RNF212B: variants seen among roughly 807,000 people sequenced by gnomAD.
The protein encoded by RNF212B is E3 ubiquitin-protein ligase RNF212B.
A neutral mutation model predicts 55.5 loss-of-function variants in RNF212B; 52 were observed. The ratio of observed to expected loss-of-function variants is 0.94; its 90% CI spans 0.75 to 1.18. RNF212B has a LOEUF of 1.18. RNF212B is among the 50% of genes most tolerant of loss of function. The pLI, the probability that RNF212B is intolerant of heterozygous loss-of-function variation, is 0.00. For missense variants in RNF212B, 289 were observed against 350.4 expected (o/e 0.82, Z 1.40); for synonymous variants, 99 against 121.4 (o/e 0.82, Z 1.21).
chr14:23,212,921 ATAG>A (rs1198713139), intron 2 of RNF212B, among the ~76,000 whole-genome samples: 2 of 152,104 alleles, frequency 1.3e-5, no homozygotes, highest in Non-Finnish European at 2.9e-5. Context: ...TGCCAGCCTA[ATAG>A]TAGATTTCAG....
chr14:23,211,781 G>T (rs1008534719), intron 2 of RNF212B, among the ~76,000 whole-genome samples: 1 of 152,166 alleles, frequency 6.6e-6, no homozygotes, highest in African/African-American at 2.4e-5. Flanking sequence ...GGAGTGCAGT[G>T]GTGCAAACTT....
chr14:23,244,193 TCCCTTTTACACA>T, intron 3 of RNF212B, 117 bp from the exon 4 acceptor site: 7 of 546,444 alleles, frequency 1.3e-5, no homozygotes, highest in East Asian at 3.0e-5. Flanking sequence ...AGTGGAGATC[TCCCTTTTACACA>T]CAGTGGAGAT....
intron 4 of RNF212B, among the ~76,000 whole-genome samples, chr14:23,253,369 TTTAAG>T (rs1461127593): frequency 2.0e-5 from 3 of 152,218 alleles, no homozygotes; most frequent in Non-Finnish European, 4.4e-5. Context: ...CTTGTTTCTT[TTTAAG>T]TTATTATTGA....
chr14:23,227,064 T>C (rs1029667913), intron 2 of RNF212B, among the ~76,000 whole-genome samples: 6 of 152,092 alleles, frequency 3.9e-5, no homozygotes, highest in African/African-American at 1.4e-4. Context: ...ATGAGGTCTA[T>C]GGATGGTACC....
At chr14:23,253,628 T>C (rs1884577731) in intron 4 of RNF212B, among the ~76,000 whole-genome samples, 1 of 152,160 alleles carries the variant, frequency 6.6e-6, no homozygotes, top group Non-Finnish European at 1.5e-5. Flanking sequence ...GGGTAGCCAT[T>C]GATGAACTTT....
intron 2 of RNF212B, among the ~76,000 whole-genome samples, chr14:23,200,570 C>T (rs1385900044): frequency 6.6e-6 from 1 of 152,162 alleles, no homozygotes; most frequent in Non-Finnish European, 1.5e-5. Context: ...AAGTGATCCA[C>T]CCACCTCGGC....
At chr14:23,238,737 AAATAATAATAAT>A (rs34688858) in intron 1 of RNF212B, among the ~76,000 whole-genome samples, 240 of 136,250 alleles carry the variant, frequency 1.8e-3, no homozygotes, top group African/African-American at 3.6e-3. Flanking sequence ...CCCTGTCTCA[AAATAATAATAAT>A]AATAATAATA....
chr14:23,256,090 T>C (rs1884810656), intron 4 of RNF212B, among the ~76,000 whole-genome samples: 1 of 152,042 alleles, frequency 6.6e-6, no homozygotes, highest in African/African-American at 2.4e-5. Context: ...AGTTCCACAG[T>C]GGGGTCTGTT....
chr14:23,250,764 T>G (rs1285442544), intron 4 of RNF212B, among the ~76,000 whole-genome samples: 1 of 152,156 alleles, frequency 6.6e-6, no homozygotes, highest in African/African-American at 2.4e-5. Context: ...TTTTATACAT[T>G]TTAGGGAGAC....
chr14:23,253,073 C>A (rs2041095796), intron 4 of RNF212B, among the ~76,000 whole-genome samples: 1 of 152,090 alleles, frequency 6.6e-6, no homozygotes, highest in African/African-American at 2.4e-5. Flanking sequence ...ATACCTCTTG[C>A]CACCCCCACC....
intron 1 of RNF212B, among the ~76,000 whole-genome samples, chr14:23,186,665 C>T (rs28662173): frequency 0.033 from 5,025 of 152,186 alleles, 137 homozygotes; most frequent in Middle Eastern, 0.092. Context: ...CTATTCTCTA[C>T]GTTTAAATAG....
chr14:23,265,721 G>A (rs566443208), intron 11 of RNF212B, among the ~76,000 whole-genome samples: 5 of 151,988 alleles, frequency 3.3e-5, no homozygotes, highest in African/African-American at 7.2e-5. Flanking sequence ...CAAAGAATTC[G>A]TTTTGTTGAG....
chr14:23,192,454 C>T (rs1878202637), intron 1 of RNF212B, among the ~76,000 whole-genome samples: 1 of 148,072 alleles, frequency 6.8e-6, no homozygotes, highest in African/African-American at 2.5e-5. Context: ...CCAAACACCG[C>T]ATGTTCTCAC....
chr14:23,193,582 G>A (rs1025443485), intron 2 of RNF212B, among the ~76,000 whole-genome samples: 5 of 152,008 alleles, frequency 3.3e-5, no homozygotes, highest in African/African-American at 7.3e-5. Flanking sequence ...CCCAGGGGGC[G>A]GATTTATGTT....
At position 23,238,036 on chromosome 14, in the gene RNF212B, G is replaced by A. The variant is rs1418453000; in HGVS notation, c.-21G>A. Among the ~76,000 whole-genome samples the A allele has an allele frequency of 1.3e-5, 2 of 152,314 alleles. No homozygotes were observed. The highest frequency in any genetic ancestry group is 2.9e-5 in the Non-Finnish European group (2 of 68,026). On this transcript the variant is annotated 5_prime_UTR_variant, in exon 1 of 15. Transcript: ENST00000430154. ...ATTTCCTGAGATCTGAGGCTTTCTG[G>A]AATCACAGCGGCCAAGCGGGTAGGG...
intron 11 of RNF212B, among the ~76,000 whole-genome samples, chr14:23,265,040 C>T (rs1253778759): frequency 2.0e-5 from 3 of 152,146 alleles, no homozygotes; most frequent in South Asian, 2.1e-4. Flanking sequence ...AGGCTGATCT[C>T]GAACTCCTGA....
intron 2 of RNF212B, among the ~76,000 whole-genome samples, chr14:23,203,366 T>G (rs2140372987): frequency 6.6e-6 from 1 of 152,214 alleles, no homozygotes; most frequent in East Asian, 1.9e-4. Flanking sequence ...TTGTGAATTG[T>G]GCTGCTATAA....
chr14:23,249,810 T>C (rs933616736), intron 4 of RNF212B, among the ~76,000 whole-genome samples: 5 of 152,170 alleles, frequency 3.3e-5, no homozygotes, highest in African/African-American at 9.7e-5. Flanking sequence ...TTACTAACAA[T>C]TCTCCAATTG....
chr14:23,242,108 G>GAAAAAA (rs71425076), intron 2 of RNF212B, among the ~76,000 whole-genome samples: 1 of 111,726 alleles, frequency 9.0e-6, no homozygotes, highest in Non-Finnish European at 1.9e-5. Flanking sequence ...AAAAAAAAAA[G>GAAAAAA]AAAAGAAAAA....
Sources: gnomAD v4.1 joint callset for allele counts (sites outside exome capture counted in the v4.1 genomes callset) on GRCh38, gnomAD v4.1.1 for gene constraint, MANE v1.5 for transcripts, NCBI Gene and HGNC (gene_info 2026-07-23, HGNC 2026-07-21) for gene names.